Variants in TTN observed in about 807,000 individuals in gnomAD.
TTN encodes the protein titin, also known as connectin.
A neutral mutation model predicts 3,223.0 loss-of-function variants in TTN; 1,525 were observed. The ratio of observed to expected loss-of-function variants is 0.47; its 90% CI spans 0.45 to 0.49. The LOEUF is 0.49. TTN is among the 20% of genes least tolerant of loss of function. The probability of loss-of-function intolerance (pLI) is 0.00; values close to 1 mark genes in which losing one functional copy is unlikely to be tolerated. For synonymous variants in TTN, 14,094 were observed against 15,161.0 expected, an observed-to-expected ratio of 0.93 and a Z score of 5.17; for missense variants, 40,786 against 43,424.0, an observed-to-expected ratio of 0.94 and a Z score of 5.40.
chr2:178,529,707 G>T (rs1040597863), intron 359 of TTN, among the ~76,000 whole-genome samples: 16 of 152,254 alleles, frequency 1.1e-4, no homozygotes, highest in Admixed American at 6.5e-4. Flanking sequence ...CTGGGAGCAG[G>T]GGCTGACACT....
Position 178,718,149 on chromosome 2 carries a change from TTACACTG to T in TTN, c.24850_24856del (p.Gln8284LysfsTer36), listed in dbSNP as rs1251532729. 4 of 1,608,116 alleles carry T rather than the reference TTACACTG, an allele frequency of 2.5e-6. No individual in the cohort carries two copies. The highest frequency in any genetic ancestry group is 3.4e-6 in the Non-Finnish European group (4 of 1,179,664). On this transcript the variant is annotated frameshift_variant, in exon 86 of 363. Coordinates refer to ENST00000589042, the MANE Select transcript of TTN (RefSeq NM_001267550.2). LOFTEE classifies it high-confidence loss of function. ...TCTAATTTCTGGAGTTCCATCCACT[TTACACTG>T]TAAAGTTGCAGGTTCTCCAATGACT...
chr2:178,544,062 C>T lies in TTN; in HGVS notation c.96082G>A (p.Ala32028Thr), dbSNP rs1196335652. The T allele has an allele frequency of 2.5e-6, 4 of 1,613,326 alleles. No individual in the cohort carries two copies. The East Asian group carries it at 8.9e-5, about 36-fold the overall frequency. Residue 32028 changes from alanine (A) to threonine (T), a missense_variant, in exon 346 of 363, where the codon GCT becomes ACT. Ala to Thr is a moderately conservative substitution (Grantham distance 58). Coordinates refer to ENST00000589042, the MANE Select transcript of TTN (RefSeq NM_001267550.2). ...ACCATCAAGCGCAAGGAGGCCCCAG[C>T]CCTGATGGTCACAGTCTTCTTTAGA... ...DDLKKTVTIRAGASLRLMVSV... is the reference protein window; with the variant it reads ...DDLKKTVTIRTGASLRLMVSV...
At chr2:178,723,792 A>C (rs752065336) in intron 73 of TTN, 64 bp downstream of exon 73, 26 of 1,549,746 alleles carry the variant, frequency 1.7e-5, no homozygotes, top group Non-Finnish European at 2.2e-5. Flanking sequence ...ATGTTTGTCA[A>C]CATAGATGTG....
At chr2:178,544,546 T>C (rs764483582) in intron 344 of TTN, 40 bp from the exon 345 acceptor site, 7 of 1,519,798 alleles carry the variant, frequency 4.6e-6, no homozygotes, top group Non-Finnish European at 6.2e-6. Flanking sequence ...ATTAGGCAAA[T>C]AAGGAAATGT....
At chr2:178,711,804 G>T in intron 96 of TTN, 140 bp downstream of exon 96, 1 of 894,262 alleles carries the variant, frequency 1.1e-6, no homozygotes, top group Non-Finnish European at 1.6e-6. Flanking sequence ...AAAAAGATAA[G>T]CCACTAACTG....
At chr2:178,783,817 T>A in intron 16 of TTN, 32 bp from the exon 17 acceptor site, 1 of 1,582,476 alleles carries the variant, frequency 6.3e-7, no homozygotes, top group Non-Finnish European at 8.7e-7. Flanking sequence ...TACAAAATGC[T>A]CATGAAATTA....
In TTN at chr2:178,617,813, T is replaced by C; in HGVS notation, c.47538A>G (p.Ala15846=). 1 of 1,612,554 alleles carries C rather than the reference T, an allele frequency of 6.2e-7. No homozygotes were observed. Residue 15846 remains alanine (A), a synonymous_variant, in exon 253 of 363, where the codon GCA becomes GCG. Coordinates refer to ENST00000589042, the MANE Select transcript of TTN (RefSeq NM_001267550.2). The part of the protein sequence containing the change: ...QNRIGVGKPS[A]ATPFVKVADP... ...CAGCAACTTTGACGAAGGGTGTGGC[T>C]GCACTTGGTTTTCCAACTCCAATTC...
At position 178,529,041 on chromosome 2, in the gene TTN, A is replaced by C. The variant is rs1399070203; in HGVS notation, c.106710T>G (p.Val35570=). Residue 35570 remains valine, a synonymous_variant, in exon 360 of 363, where the codon GTT becomes GTG. Coordinates refer to ENST00000589042, the MANE Select transcript of TTN (RefSeq NM_001267550.2). ...ATTTCTTGACTTCTTCAGAAATCAG[A>C]ACCTTTGAAGCTTCCTCTTTGAGGG... ...KLALKEEASK[V]LISEEVKKSA... is the part of the protein sequence containing the mutation. 6.2e-7 allele frequency: 1 copy of C among 1,613,828 alleles called. No homozygotes were observed. The highest frequency in any genetic ancestry group is 8.5e-7 in the Non-Finnish European group (1 of 1,179,874).
chr2:178,665,062 C>T, intron 165 of TTN, 136 bp from the exon 166 acceptor site: 1 of 1,080,824 alleles, frequency 9.3e-7, no homozygotes, highest in Non-Finnish European at 1.3e-6. Context: ...TAGGCTAAGT[C>T]TTTTAAGGGG....
Position 178,664,896 on chromosome 2 carries a change from G to A in TTN, c.36074C>T (p.Ala12025Val). The A allele has an allele frequency of 1.2e-6, 2 of 1,610,618 alleles. No individual in the cohort carries two copies. Among genetic ancestry groups the A allele is most frequent in the Non-Finnish European group, 1.7e-6 (2 of 1,179,176 alleles). Residue 12025 changes from alanine (A) to valine (V), a missense_variant, in exon 166 of 363, where the codon GCC becomes GTC. Coordinates refer to ENST00000589042, the MANE Select transcript of TTN (RefSeq NM_001267550.2). ...TPEAPQEIIPAKTVPSKKREP... is the reference protein window; with the variant it reads ...TPEAPQEIIPVKTVPSKKREP... ...TCTTTTTTTGGAAGGAACTGTCTTGGCAGGAATAATTTCTTGAGGAGCTTC... is the reference window on the plus strand; with the variant it reads ...TCTTTTTTTGGAAGGAACTGTCTTGACAGGAATAATTTCTTGAGGAGCTTC...
chr2:178,592,910 A>C lies in TTN; in HGVS notation c.59209T>G (p.Cys19737Gly), dbSNP rs891241532. The change falls in exon 300 of 363, where the codon TGT becomes GGT. Residue 19737 changes from cysteine to glycine, a missense_variant. Transcript: ENST00000589042. ...GTGACTTTATATTTAGTTTCAGGAC[A>C]TGACTCAGGGGTGTGATTGGCTCTT... ...WRRANHTPES[C>G]PETKYKVTGL... 1.2e-6 allele frequency: 2 copies of C among 1,613,384 alleles called. No individual in the cohort carries two copies. The highest frequency in any genetic ancestry group is 2.7e-5 in the African/African-American group (2 of 74,876).
chr2:178,671,756 C>A (rs947868780), intron 155 of TTN, among the ~76,000 whole-genome samples: 5 of 151,780 alleles, frequency 3.3e-5, no homozygotes, highest in African/African-American at 1.2e-4. Flanking sequence ...CATACAGTGA[C>A]CTCCTTAGAT....
rs1246167782 is a variant in TTN, at chr2:178,734,154, C to CG, written c.15496+173dup. Among the ~76,000 whole-genome samples the CG allele has an allele frequency of 4.0e-5, 6 of 151,484 alleles. No homozygotes were observed. The East Asian group carries it at 1.2e-3, about 30-fold the overall frequency. On this transcript the variant is annotated intron_variant, in intron 52 of 362. Transcript: ENST00000589042. ...AGATAATAGATATTTACACTAGTCT[C>CG]GGGAAAAAGACCAGGTGAAAGTTAC...
intron 46 of TTN, among the ~76,000 whole-genome samples, chr2:178,755,236 A>G (rs2086590781): frequency 6.6e-6 from 1 of 152,158 alleles, no homozygotes; most frequent in African/African-American, 2.4e-5. Context: ...TTGCCCAGAC[A>G]AGTTTATTCC....
chr2:178,599,702 G>C lies in TTN; in HGVS notation c.56199C>G (p.Leu18733=), dbSNP rs766306616. The change falls in exon 289 of 363, where the codon CTC becomes CTG. Residue 18733 remains leucine, a synonymous_variant. Transcript: ENST00000589042. ...PKKPDNKEPV[L]YDTHVNKLVV... Reference sequence around the variant, plus strand: ...CCAGTTTGTTGACATGGGTGTCATAGAGAACAGGTTCTTTGTTATCAGGCT... The same window carrying C: ...CCAGTTTGTTGACATGGGTGTCATACAGAACAGGTTCTTTGTTATCAGGCT... 6.8e-6 allele frequency: 11 copies of C among 1,612,920 alleles called. No homozygotes were observed. In the Admixed American group the frequency reaches 1.0e-4, roughly 15 times the overall value.
chr2:178,782,128 C>A lies in TTN; in HGVS notation c.3380+84G>T. The A allele has an allele frequency of 3.4e-6, 5 of 1,489,802 alleles. No individual in the cohort carries two copies. The South Asian group carries it at 5.7e-5, about 17-fold the overall frequency. The allele number at this position is 1,489,802 out of a possible 1,614,324, so 92.3% of individuals were successfully genotyped here. On this transcript the variant is annotated intron_variant, in intron 20 of 362. Coordinates refer to ENST00000589042, the MANE Select transcript of TTN (RefSeq NM_001267550.2). Reference sequence around the variant, plus strand: ...CAATGAAAGAGCCTATGCTCAGGGTCGGTGGGGTGAGTAAATTCTACTCTA... The same window carrying A: ...CAATGAAAGAGCCTATGCTCAGGGTAGGTGGGGTGAGTAAATTCTACTCTA...
Position 178,535,193 on chromosome 2 carries a change from A to G in TTN, c.101422T>C (p.Ser33808Pro). ...TAGAGTTCCTTGGTTGAAGAGTGAG[A>G]TGCTTTAGTCATGGAGACTTCCCTG... Reference protein sequence around the residue: ...ETREVSMTKASHSSTKELYEK... With the variant: ...ETREVSMTKAPHSSTKELYEK... Residue 33808 changes from serine to proline, a missense_variant, in exon 358 of 363, where the codon TCT (serine) becomes CCT (proline). By Grantham distance (74) the Ser-to-Pro change is moderately conservative. Coordinates refer to ENST00000589042, the MANE Select transcript of TTN (RefSeq NM_001267550.2). 2 of 1,613,924 alleles carry G rather than the reference A, an allele frequency of 1.2e-6. No homozygotes were observed. Among genetic ancestry groups the G allele is most frequent in the Admixed American group, 3.3e-5 (2 of 60,012 alleles).
rs1348113407 is a variant in TTN, at chr2:178,729,538, C to T, written c.18618G>A (p.Lys6206=). 5 of 1,612,952 alleles carry T rather than the reference C, an allele frequency of 3.1e-6. No homozygotes were observed. In the Admixed American group the frequency reaches 5.0e-5, roughly 16 times the overall value. The part of the protein sequence containing the change: ...KEPPTFIREL[K]PVEVVKYSDV... ...CACTATATTTTACTACCTCCACAGG[C>T]TTCAGCTCTCTGATAAAGGTGGGGG... Residue 6206 remains lysine, a synonymous_variant, in exon 64 of 363, where the codon AAG becomes AAA. Transcript: ENST00000589042.
In TTN at chr2:178,591,066, C is replaced by G. The variant is rs1273167845; in HGVS notation, c.60659G>C (p.Gly20220Ala). 1 of 1,613,360 alleles carries G rather than the reference C, an allele frequency of 6.2e-7. No homozygotes were observed. The highest frequency in any genetic ancestry group is 8.5e-7 in the Non-Finnish European group (1 of 1,179,558). ...EKQDTRKDTW[G>A]VVSSGSSKTK... is the part of the protein sequence containing the mutation. Reference sequence around the variant, plus strand: ...CTTACTGCTTCCGGAAGAGACAACACCCCACGTGTCTTTCCTTGTATCTTG... The same window carrying G: ...CTTACTGCTTCCGGAAGAGACAACAGCCCACGTGTCTTTCCTTGTATCTTG... Residue 20220 changes from glycine (G) to alanine (A), a missense_variant, in exon 304 of 363, where the codon GGT (glycine) becomes GCT (alanine). Transcript: ENST00000589042.
Sources: gnomAD v4.1 joint callset for allele counts (sites outside exome capture counted in the v4.1 genomes callset) on GRCh38, gnomAD v4.1.1 for gene constraint, MANE v1.5 for transcripts, NCBI Gene and HGNC (gene_info 2026-07-23, HGNC 2026-07-21) for gene names.